The following PRR5L variants were observed in gnomAD, a reference collection of about 807,000 sequenced individuals.
PRR5L encodes the protein proline rich 5 like, also known as proline-rich protein 5-like.
PRR5L carries 21 observed loss-of-function variants against 36.4 expected under a neutral mutation model. The ratio of observed to expected loss-of-function variants is 0.58; its 90% CI spans 0.41 to 0.83. The LOEUF (loss-of-function observed/expected upper bound fraction) is 0.83. Among genes scored for constraint, PRR5L ranks in the 40% least tolerant of loss-of-function variants. The probability of loss-of-function intolerance (pLI) is 0.00; values close to 1 mark genes in which losing one functional copy is unlikely to be tolerated. For missense variants in PRR5L, 381 were observed against 473.3 expected, an observed-to-expected ratio of 0.80 and a Z score of 1.81; for synonymous variants, 188 against 197.0, an observed-to-expected ratio of 0.95 and a Z score of 0.38.
intron 1 of PRR5L, among the ~76,000 whole-genome samples, chr11:36,324,287 C>T (rs1856639505): frequency 6.6e-6 from 1 of 151,920 alleles, no homozygotes; most frequent in Non-Finnish European, 1.5e-5. Context: ...AGAAGCCAGA[C>T]CCAAAAAATA....
At chr11:36,397,769 T>C (rs1307889194) in intron 1 of PRR5L, among the ~76,000 whole-genome samples, 4 of 151,396 alleles carry the variant, frequency 2.6e-5, no homozygotes, top group Non-Finnish European at 2.9e-5. Context: ...TTAATTCTTT[T>C]CCTTCATCTT....
intron 1 of PRR5L, among the ~76,000 whole-genome samples, chr11:36,339,473 C>T (rs1447308711): frequency 1.3e-5 from 2 of 152,214 alleles, no homozygotes; most frequent in Non-Finnish European, 2.9e-5. Flanking sequence ...AAAGCTGACA[C>T]TTATTTAAAT....
intron 1 of PRR5L, among the ~76,000 whole-genome samples, chr11:36,395,115 C>T (rs1159916739): frequency 6.6e-6 from 1 of 152,212 alleles, no homozygotes; most frequent in Non-Finnish European, 1.5e-5. Flanking sequence ...AGGCACCTTA[C>T]AAACATGGTC....
At chr11:36,419,636 G>A (rs2133582653) in intron 4 of PRR5L, among the ~76,000 whole-genome samples, 1 of 152,298 alleles carries the variant, frequency 6.6e-6, no homozygotes, top group East Asian at 1.9e-4. Flanking sequence ...ATGTATTTAA[G>A]TAATAAGCCT....
At position 36,462,438 on chromosome 11, in the gene PRR5L, C is replaced by T; in HGVS notation, c.809C>T (p.Thr270Ile). The change falls in exon 9 of 9, where the codon ACC becomes ATC. Residue 270 changes from threonine to isoleucine, a missense_variant. Physicochemically the swap from Thr to Ile is moderately conservative, Grantham distance 89. Coordinates refer to ENST00000530639, the MANE Select transcript of PRR5L (RefSeq NM_001160167.2). Reference sequence around the variant, plus strand: ...CGGCCACTGAATGAGATGGTCTTGACCCCACTGACAGAGCAGGAGGGGGAA... The same window carrying T: ...CGGCCACTGAATGAGATGGTCTTGATCCCACTGACAGAGCAGGAGGGGGAA... ...VSRPLNEMVL[T>I]PLTEQEGEAY... is the part of the protein sequence containing the mutation. 1.2e-6 allele frequency: 2 copies of T among 1,603,630 alleles called. No individual in the cohort carries two copies. Among genetic ancestry groups the T allele is most frequent in the Non-Finnish European group, 8.5e-7 (1 of 1,174,508 alleles).
intron 6 of PRR5L, among the ~76,000 whole-genome samples, chr11:36,444,642 G>A (rs1175520150): frequency 6.6e-6 from 1 of 152,184 alleles, no homozygotes; most frequent in Non-Finnish European, 1.5e-5. Context: ...TGTTGGAGCA[G>A]GAGGTCCTAG....
At chr11:36,343,344 G>C (rs909689896) in intron 1 of PRR5L, among the ~76,000 whole-genome samples, 1 of 152,328 alleles carries the variant, frequency 6.6e-6, no homozygotes, top group African/African-American at 2.4e-5. Context: ...TGTGTGAAAA[G>C]TATATAAGAC....
intron 1 of PRR5L, chr11:36,376,424 G>A: frequency 3.5e-6 from 4 of 1,149,958 alleles, no homozygotes; most frequent in Non-Finnish European, 4.3e-6. Context: ...GCCCGGCTGT[G>A]GGAGCTCCGC....
At chr11:36,304,616 A>C (rs955524637) in intron 1 of PRR5L, among the ~76,000 whole-genome samples, 1 of 152,344 alleles carries the variant, frequency 6.6e-6, no homozygotes, top group South Asian at 2.1e-4. Flanking sequence ...GCTAGTAAAC[A>C]TACAGTTATA....
chr11:36,438,873 T>C (rs927313493), intron 6 of PRR5L, among the ~76,000 whole-genome samples: 4 of 152,126 alleles, frequency 2.6e-5, no homozygotes, highest in African/African-American at 9.7e-5. Flanking sequence ...CGATTGAAGC[T>C]GTAGTGAGCT....
At chr11:36,304,109 T>C (rs941119923) in intron 1 of PRR5L, among the ~76,000 whole-genome samples, 2 of 152,196 alleles carry the variant, frequency 1.3e-5, no homozygotes, top group African/African-American at 4.8e-5. Flanking sequence ...CTCAGTTATA[T>C]ACCAACTCTC....
chr11:36,397,915 C>A (rs897522596), intron 1 of PRR5L, among the ~76,000 whole-genome samples: 1 of 152,108 alleles, frequency 6.6e-6, no homozygotes, highest in East Asian at 1.9e-4. Context: ...CCTGCCTCAG[C>A]CCCCCGAGTC....
chr11:36,446,194 C>A, intron 6 of PRR5L, 106 bp from the exon 7 acceptor site: 2 of 1,285,488 alleles, frequency 1.6e-6, no homozygotes, highest in Non-Finnish European at 1.1e-6. Flanking sequence ...GACGCCTCAT[C>A]CCATCTTTGG....
At chr11:36,427,335 G>A (rs929286276) in intron 4 of PRR5L, among the ~76,000 whole-genome samples, 4 of 152,080 alleles carry the variant, frequency 2.6e-5, no homozygotes, top group Non-Finnish European at 4.4e-5. Flanking sequence ...CAAGTCCCAA[G>A]TTGCTTCCTG....
rs185476699 is a variant in PRR5L, at chr11:36,411,352, C to T, written c.246-7903C>T. Reference sequence around the variant, plus strand: ...TTGACAAGACGGTGAGGCGTGAGATCGCAGGTCTGTGTAATAACAGGAAAT... The same window carrying T: ...TTGACAAGACGGTGAGGCGTGAGATTGCAGGTCTGTGTAATAACAGGAAAT... On this transcript the variant is annotated intron_variant, in intron 3 of 8. Transcript: ENST00000530639. Among the ~76,000 whole-genome samples the T allele has an allele frequency of 1.6e-4, 25 of 152,262 alleles. No homozygotes were observed. In the East Asian group the frequency reaches 3.3e-3, roughly 20 times the overall value.
At chr11:36,299,872 G>C (rs777662905) in intron 1 of PRR5L, among the ~76,000 whole-genome samples, 2 of 152,012 alleles carry the variant, frequency 1.3e-5, no homozygotes, top group Non-Finnish European at 2.9e-5. Context: ...AAACTATAAA[G>C]GTAAACAACA....
chr11:36,348,304 A>G (rs1455305406), intron 1 of PRR5L, among the ~76,000 whole-genome samples: 2 of 152,040 alleles, frequency 1.3e-5, no homozygotes, highest in African/African-American at 4.8e-5. Context: ...CACGGTATCT[A>G]TTGTTCCTAT....
At chr11:36,395,660 TAG>T (rs962885265) in intron 1 of PRR5L, among the ~76,000 whole-genome samples, 2 of 152,224 alleles carry the variant, frequency 1.3e-5, no homozygotes, top group Non-Finnish European at 2.9e-5. Flanking sequence ...TAGGGGCACA[TAG>T]AGTTTCCAAG....
chr11:36,421,061 C>T (rs1858254526), intron 4 of PRR5L, among the ~76,000 whole-genome samples: 1 of 152,184 alleles, frequency 6.6e-6, no homozygotes, highest in Non-Finnish European at 1.5e-5. Flanking sequence ...AAAGGTCAGT[C>T]TTGGCCTCAC....
Sources: gnomAD v4.1 joint callset for allele counts (sites outside exome capture counted in the v4.1 genomes callset) on GRCh38, gnomAD v4.1.1 for gene constraint, MANE v1.5 for transcripts, NCBI Gene and HGNC (gene_info 2026-07-23, HGNC 2026-07-21) for gene names.